Variants in FBXW7 observed in about 807,000 individuals in gnomAD.
FBXW7 encodes F-box and WD repeat domain containing 7.
Under a neutral mutation model 86.3 loss-of-function variants are expected in FBXW7, and 11 were observed. That is an observed-to-expected ratio of 0.13 (90% CI 0.08 to 0.21). The LOEUF (loss-of-function observed/expected upper bound fraction) is 0.21. Among genes scored for constraint, FBXW7 ranks in the 10% least tolerant of loss-of-function variants. The pLI is 1.00. For missense variants in FBXW7, 488 were observed against 847.4 expected (o/e 0.58, Z 5.27); for synonymous variants, 313 against 297.9 (o/e 1.05, Z -0.52).
intron 4 of FBXW7, among the ~76,000 whole-genome samples, chr4:152,356,808 C>T (rs1288721081): frequency 6.6e-6 from 1 of 152,198 alleles, no homozygotes; most frequent in Non-Finnish European, 1.5e-5. Context: ...CCAGCATTTA[C>T]ATTTTCACTA....
At chr4:152,484,461 A>G (rs538617521) in intron 2 of FBXW7, among the ~76,000 whole-genome samples, 2 of 152,162 alleles carry the variant, frequency 1.3e-5, no homozygotes, top group African/African-American at 4.8e-5. Flanking sequence ...ACCATTTTTT[A>G]TAATTACTTG....
At chr4:152,367,518 T>TA (rs1733602123) in intron 4 of FBXW7, among the ~76,000 whole-genome samples, 1 of 152,094 alleles carries the variant, frequency 6.6e-6, no homozygotes, top group African/African-American at 2.4e-5. Flanking sequence ...CCCACTAAAA[T>TA]ACTCTAATAA....
intron 4 of FBXW7, among the ~76,000 whole-genome samples, chr4:152,399,195 T>C (rs57541661): frequency 0.016 from 2,447 of 152,224 alleles, 76 homozygotes; most frequent in African/African-American, 0.056. Flanking sequence ...CAAGGAAAGG[T>C]AAATTGCCTA....
At chr4:152,531,060 A>AAC (rs60194504) in intron 2 of FBXW7, among the ~76,000 whole-genome samples, 2,449 of 151,668 alleles carry the variant, frequency 0.016, 44 homozygotes, top group African/African-American at 0.036. Context: ...TGGGTGCTAA[A>AAC]ACACACACAC....
chr4:152,364,544 T>C (rs1313175780), intron 4 of FBXW7, among the ~76,000 whole-genome samples: 1 of 152,202 alleles, frequency 6.6e-6, no homozygotes, highest in Non-Finnish European at 1.5e-5. Context: ...GACTATGACT[T>C]CTTCATTGAA....
chr4:152,422,909 A>C (rs751788740), intron 2 of FBXW7, among the ~76,000 whole-genome samples: 94 of 152,178 alleles, frequency 6.2e-4, no homozygotes, highest in Admixed American at 1.4e-3. Flanking sequence ...AGTCTCTTTT[A>C]ATCTACAGGT....
intron 4 of FBXW7, among the ~76,000 whole-genome samples, chr4:152,350,381 A>G (rs1301407866): frequency 6.6e-6 from 1 of 151,172 alleles, no homozygotes; most frequent in African/African-American, 2.4e-5. Context: ...GATATTCATT[A>G]TATATATATA....
At chr4:152,463,584 G>C (rs140237228) in intron 2 of FBXW7, among the ~76,000 whole-genome samples, 2 of 152,152 alleles carry the variant, frequency 1.3e-5, no homozygotes, top group Admixed American at 1.3e-4. Flanking sequence ...AAAAAAGACA[G>C]ATAAGGAGTT....
At chr4:152,435,934 G>A (rs534228358) in intron 2 of FBXW7, among the ~76,000 whole-genome samples, 4 of 152,084 alleles carry the variant, frequency 2.6e-5, no homozygotes, top group Non-Finnish European at 4.4e-5. Flanking sequence ...TACTGTAATT[G>A]TTTTGGGGTG....
intron 4 of FBXW7, 29 bp from the exon 5 acceptor site, chr4:152,350,153 T>C: frequency 5.0e-6 from 7 of 1,402,876 alleles, no homozygotes; most frequent in Non-Finnish European, 6.8e-6. Context: ...AAGATATGTT[T>C]TTTAAAAATC....
intron 2 of FBXW7, among the ~76,000 whole-genome samples, chr4:152,483,279 A>T (rs1426121350): frequency 1.3e-5 from 2 of 151,772 alleles, no homozygotes; most frequent in African/African-American, 2.4e-5. Flanking sequence ...AAACTTTGCT[A>T]TATGTTACAA....
chr4:152,514,578 C>T (rs1748288975), intron 2 of FBXW7, among the ~76,000 whole-genome samples: 1 of 152,086 alleles, frequency 6.6e-6, no homozygotes, highest in African/African-American at 2.4e-5. Context: ...GAGCAGATTC[C>T]ACATAAACAG....
At position 152,324,094 on chromosome 4, in the gene FBXW7, T is replaced by C. The variant is rs1319012774; in HGVS notation, c.1855+90A>G. The C allele has an allele frequency of 7.1e-6, 7 of 989,084 alleles. No individual in the cohort carries two copies. The East Asian group carries it at 1.7e-4, about 24-fold the overall frequency. The allele number at this position is 989,084 out of a possible 1,614,324, so 61.3% of individuals were successfully genotyped here. On this transcript the variant is annotated intron_variant, in intron 13 of 13. Coordinates refer to ENST00000281708, the MANE Select transcript of FBXW7 (RefSeq NM_001349798.2). ...TCTGAAGTAACCATTCTGTATGAGGTTGACTCTTTTTGTGATGCTAAGGCT... is the reference window on the plus strand; with the variant it reads ...TCTGAAGTAACCATTCTGTATGAGGCTGACTCTTTTTGTGATGCTAAGGCT...
chr4:152,381,216 C>T (rs1027422452), intron 4 of FBXW7, among the ~76,000 whole-genome samples: 1 of 152,034 alleles, frequency 6.6e-6, no homozygotes, highest in East Asian at 1.9e-4. Flanking sequence ...ATAGAAGATT[C>T]TCTTTATTAA....
chr4:152,331,937 C>T lies in FBXW7; in HGVS notation c.985+659G>A, dbSNP rs146842200. ...CTCAAACCTTTATTAACTGGACTAA[C>T]CATCAATGCTTCCTACTTGACTATA... is the stretch of plus-strand genomic sequence containing the variant. On this transcript the variant is annotated intron_variant, in intron 8 of 13. Transcript: ENST00000281708. 2.3e-3 allele frequency among the ~76,000 whole-genome samples: 357 copies of T among 152,116 alleles called. 2 individuals are homozygous for T. Among genetic ancestry groups the T allele is most frequent in the African/African-American group, 8.0e-3 (334 of 41,526 alleles).
intron 2 of FBXW7, among the ~76,000 whole-genome samples, chr4:152,418,153 A>C (rs1449793017): frequency 6.6e-6 from 1 of 151,820 alleles, no homozygotes; most frequent in African/African-American, 2.4e-5. Flanking sequence ...ACACACACAC[A>C]CACACACACA....
At chr4:152,475,750 A>T (rs1307189295) in intron 2 of FBXW7, among the ~76,000 whole-genome samples, 1 of 152,190 alleles carries the variant, frequency 6.6e-6, no homozygotes, top group East Asian at 1.9e-4. Context: ...AAGCAGTAGC[A>T]CTCACAATAG....
intron 2 of FBXW7, among the ~76,000 whole-genome samples, chr4:152,463,721 C>G (rs779277798): frequency 2.0e-5 from 3 of 152,130 alleles, no homozygotes; most frequent in Non-Finnish European, 4.4e-5. Flanking sequence ...AGTGGTAAAA[C>G]AGGTCACTAA....
rs1750479318 is a variant in FBXW7 at position 152,535,659 on chromosome 4, G to A, written c.-745C>T. 2.5e-6 allele frequency: 1 copy of A among 396,464 alleles called. No homozygotes were observed. The highest frequency in any genetic ancestry group is 2.1e-5 in the African/African-American group (1 of 48,586). The allele number at this position is 396,464 out of a possible 1,614,324, so 24.6% of individuals were successfully genotyped here. ...GGCTCCCGCATGTGTCGCTGCGGCT[G>A]GGACCCCCCTCCCTACACCTTGGGG... is the stretch of plus-strand genomic sequence containing the variant. On this transcript the variant is annotated 5_prime_UTR_variant, in exon 1 of 14. Transcript: ENST00000281708.
Sources: gnomAD v4.1 joint callset for allele counts (sites outside exome capture counted in the v4.1 genomes callset) on GRCh38, gnomAD v4.1.1 for gene constraint, MANE v1.5 for transcripts, NCBI Gene and HGNC (gene_info 2026-07-23, HGNC 2026-07-21) for gene names.